The following CYP2C18 variants were observed in gnomAD, a reference collection of about 807,000 sequenced individuals.
CYP2C18 encodes the protein cytochrome P450 2C18.
CYP2C18 carries 38 observed loss-of-function variants against 41.3 expected under a neutral mutation model. That is an observed-to-expected ratio of 0.92 (90% CI 0.71 to 1.21). The LOEUF (loss-of-function observed/expected upper bound fraction) is 1.21. Among genes scored for constraint, CYP2C18 ranks in the 50% most tolerant of loss-of-function variants. The pLI is 0.00. For missense variants in CYP2C18, 635 were observed against 591.4 expected, an observed-to-expected ratio of 1.07 and a Z score of -0.77; for synonymous variants, 236 against 210.0, an observed-to-expected ratio of 1.12 and a Z score of -1.07.
intron 6 of CYP2C18, among the ~76,000 whole-genome samples, chr10:94,723,641 C>T (rs1365424335): frequency 6.6e-6 from 1 of 151,968 alleles, no homozygotes; most frequent in Middle Eastern, 3.2e-3. Flanking sequence ...GATATAAATA[C>T]ATTGGGGAAA....
At chr10:94,708,109 A>G (rs1366467246) in intron 5 of CYP2C18, among the ~76,000 whole-genome samples, 1 of 152,212 alleles carries the variant, frequency 6.6e-6, no homozygotes, top group East Asian at 1.9e-4. Flanking sequence ...ATGCAGAATC[A>G]GTCAGTAGGT....
rs1201373154 is a variant in CYP2C18, at chr10:94,735,746, TAATA to T, written c.*306_*309del. On this transcript the variant is annotated 3_prime_UTR_variant, in exon 9 of 9. Transcript: ENST00000285979. ...TCACTAGAAAACAAAGAAAAATGATTAATAAATGACAATTCAGAGCCATTTATTC... is the reference window on the plus strand; with the variant it reads ...TCACTAGAAAACAAAGAAAAATGATTAATGACAATTCAGAGCCATTTATTC... 3.2e-6 allele frequency: 1 copy of T among 312,806 alleles called. No individual in the cohort carries two copies. 19.4% of individuals were successfully genotyped at this position (312,806 alleles called of 1,614,324 possible).
rs547530467 is a variant in CYP2C18 at position 94,730,545 on chromosome 10, G to A, written c.1150-2752G>A. Among the ~76,000 whole-genome samples the A allele has an allele frequency of 6.6e-5, 10 of 152,220 alleles. No individual in the cohort carries two copies. The East Asian group carries it at 1.9e-3, about 29-fold the overall frequency. ...AAATAAACCTTTTGCTTCATAATTA[G>A]TGGTGTATAAGAACCCTCCCCACTT... On this transcript the variant is annotated intron_variant, in intron 7 of 8. Coordinates refer to ENST00000285979, the MANE Select transcript of CYP2C18 (RefSeq NM_000772.3).
chr10:94,729,154 A>G (rs1396834955), intron 7 of CYP2C18, among the ~76,000 whole-genome samples: 1 of 152,178 alleles, frequency 6.6e-6, no homozygotes, highest in Non-Finnish European at 1.5e-5. Flanking sequence ...GCAACCAAAT[A>G]GCTGTATTCG....
chr10:94,691,031 T>G (rs1424643198), intron 3 of CYP2C18, among the ~76,000 whole-genome samples: 2 of 152,118 alleles, frequency 1.3e-5, no homozygotes, highest in Non-Finnish European at 2.9e-5. Flanking sequence ...CTCAAAATAA[T>G]AAGAGCTATC....
At chr10:94,686,757 G>A (rs1477883095) in intron 1 of CYP2C18, among the ~76,000 whole-genome samples, 4 of 152,108 alleles carry the variant, frequency 2.6e-5, no homozygotes, top group African/African-American at 4.8e-5. Flanking sequence ...ATAAAATAAT[G>A]CATTTTGCCA....
chr10:94,729,631 C>T (rs1187037672), intron 7 of CYP2C18, among the ~76,000 whole-genome samples: 1 of 152,042 alleles, frequency 6.6e-6, no homozygotes, highest in Non-Finnish European at 1.5e-5. Flanking sequence ...GTAATTTTGC[C>T]ATTTTGTATA....
At chr10:94,690,631 T>C (rs1846981037) in intron 3 of CYP2C18, among the ~76,000 whole-genome samples, 1 of 152,182 alleles carries the variant, frequency 6.6e-6, no homozygotes. Flanking sequence ...TCTGAAACTA[T>C]TCCAATCAAT....
chr10:94,690,153 C>T (rs1170901461), intron 3 of CYP2C18, among the ~76,000 whole-genome samples: 1 of 152,130 alleles, frequency 6.6e-6, no homozygotes. Context: ...CGGTTGACCT[C>T]ACCATATCTA....
Position 94,726,339 on chromosome 10 carries a change from C to T in CYP2C18, c.1149+1806C>T, listed in dbSNP as rs369341970. 2.8e-4 allele frequency among the ~76,000 whole-genome samples: 43 copies of T among 152,106 alleles called. 1 individual carries two copies. In the South Asian group the frequency reaches 8.5e-3, roughly 30 times the overall value. On this transcript the variant is annotated intron_variant, in intron 7 of 8. Transcript: ENST00000285979. ...CATTAGGTATTTCTCCTAATGTTAT[C>T]CCTCCCCTAGCCCCAACATCCCCCA...
At chr10:94,699,607 G>A (rs2134184831) in intron 4 of CYP2C18, among the ~76,000 whole-genome samples, 1 of 152,238 alleles carries the variant, frequency 6.6e-6, no homozygotes, top group South Asian at 2.1e-4. Context: ...TATTCAACTA[G>A]TGTTGGAGGT....
chr10:94,710,516 G>A (rs1847416942), intron 5 of CYP2C18, among the ~76,000 whole-genome samples: 1 of 152,114 alleles, frequency 6.6e-6, no homozygotes, highest in Non-Finnish European at 1.5e-5. Flanking sequence ...ATGAACATGG[G>A]ATGTCTTTCC....
rs763628569 is a variant in CYP2C18 at position 94,735,638 on chromosome 10, C to T, written c.*194C>T. ...TTCTTGGGTCACTTCCTAAATATAT[C>T]TGCTATTCTCCATACTCTGTATCAC... On this transcript the variant is annotated 3_prime_UTR_variant, in exon 9 of 9. Coordinates refer to ENST00000285979, the MANE Select transcript of CYP2C18 (RefSeq NM_000772.3). 3.3e-6 allele frequency: 2 copies of T among 604,738 alleles called. No homozygotes were observed. The highest frequency in any genetic ancestry group is 1.9e-5 in the African/African-American group (1 of 53,866). 37.5% of individuals were successfully genotyped at this position (604,738 alleles called of 1,614,324 possible).
At chr10:94,709,124 T>C (rs1286537716) in intron 5 of CYP2C18, among the ~76,000 whole-genome samples, 1 of 152,132 alleles carries the variant, frequency 6.6e-6, no homozygotes, top group African/African-American at 2.4e-5. Context: ...AACTGTATGC[T>C]TAATCTTTGG....
chr10:94,725,019 C>CA (rs1847714621), intron 7 of CYP2C18, among the ~76,000 whole-genome samples: 1 of 149,324 alleles, frequency 6.7e-6, no homozygotes, highest in African/African-American at 2.4e-5. Context: ...TCATGTATTA[C>CA]GTTTTTTTTC....
At chr10:94,734,930 T>C (rs1847894060) in intron 8 of CYP2C18, among the ~76,000 whole-genome samples, 1 of 152,186 alleles carries the variant, frequency 6.6e-6, no homozygotes, top group Non-Finnish European at 1.5e-5. Context: ...TTTCAGCCCA[T>C]CTTCCCTGTG....
At chr10:94,691,924 A>G (rs1847007719) in intron 3 of CYP2C18, among the ~76,000 whole-genome samples, 1 of 152,214 alleles carries the variant, frequency 6.6e-6, no homozygotes, top group African/African-American at 2.4e-5. Flanking sequence ...GCAATGGGGA[A>G]AGGATTCCCT....
intron 4 of CYP2C18, among the ~76,000 whole-genome samples, chr10:94,703,401 G>A (rs974610641): frequency 6.6e-6 from 1 of 152,208 alleles, no homozygotes; most frequent in Admixed American, 6.5e-5. Context: ...CCCTACTGGG[G>A]CTGCTGCCTT....
chr10:94,694,527 C>T (rs1428560077), intron 3 of CYP2C18, among the ~76,000 whole-genome samples: 4 of 152,164 alleles, frequency 2.6e-5, no homozygotes, highest in Non-Finnish European at 5.9e-5. Context: ...CTCCCTTCCT[C>T]TATCAATCAA....
Sources: allele counts gnomAD v4.1 joint callset (sites outside exome capture counted in the v4.1 genomes callset), GRCh38; gene constraint gnomAD v4.1.1; transcripts MANE v1.5; gene names NCBI Gene and HGNC (gene_info 2026-07-23, HGNC 2026-07-21).